LHFPL3: variants seen among roughly 807,000 people sequenced by gnomAD.
LHFPL3 encodes LHFPL tetraspan subfamily member 3.
In LHFPL3, 5 loss-of-function variants were observed where a neutral mutation model predicts 19.3. That is an observed-to-expected ratio of 0.26 (90% confidence interval 0.14 to 0.54). LHFPL3 has a LOEUF of 0.54. Among genes scored for constraint, LHFPL3 ranks in the 20% least tolerant of loss-of-function variants. LHFPL3 has a pLI of 0.94. For missense variants in LHFPL3, 249 were observed against 307.4 expected (o/e 0.81, Z 1.42); for synonymous variants, 133 against 126.2 (o/e 1.05, Z -0.36).
chr7:104,360,406 T>C (rs1416047512), intron 1 of LHFPL3, among the ~76,000 whole-genome samples: 2 of 152,172 alleles, frequency 1.3e-5, no homozygotes, highest in African/African-American at 4.8e-5. Flanking sequence ...AGTAAGATCT[T>C]AATGAATGCT....
chr7:104,775,095 CAATT>C (rs1303907221), intron 2 of LHFPL3, among the ~76,000 whole-genome samples: 2 of 152,132 alleles, frequency 1.3e-5, no homozygotes, highest in African/African-American at 4.8e-5. Context: ...ATATGTTTGA[CAATT>C]AAATATAGCT....
At chr7:104,728,725 A>G (rs1174700836) in intron 1 of LHFPL3, among the ~76,000 whole-genome samples, 1 of 152,162 alleles carries the variant, frequency 6.6e-6, no homozygotes, top group African/African-American at 2.4e-5. Flanking sequence ...TTTTATTTGT[A>G]TGCTTACTCA....
In LHFPL3 at chr7:104,906,174, C is replaced by T. The variant is rs768816899; in HGVS notation, c.683-13C>T. 6.2e-7 allele frequency: 1 copy of T among 1,609,454 alleles called. No homozygotes were observed. The highest frequency in any genetic ancestry group is 1.3e-5 in the African/African-American group (1 of 74,978). ...CCCACCCTTTTTCTCTCTCTTCCCT[C>T]CAATTTCTGCAGTTCTGCTAAGCCA... On this transcript the variant is annotated splice_polypyrimidine_tract_variant and intron_variant, in intron 2 of 2. Transcript: ENST00000424859.
chr7:104,392,904 G>C (rs1181251222), intron 1 of LHFPL3, among the ~76,000 whole-genome samples: 1 of 152,106 alleles, frequency 6.6e-6, no homozygotes, highest in African/African-American at 2.4e-5. Flanking sequence ...CTTCTTCCTG[G>C]TTTAGTCTTG....
chr7:104,741,722 G>A (rs962558950), intron 2 of LHFPL3, among the ~76,000 whole-genome samples: 18 of 151,864 alleles, frequency 1.2e-4, no homozygotes, highest in Admixed American at 5.9e-4. Context: ...TATTGGCGGC[G>A]GGGGTTGTTT....
At chr7:104,449,865 A>G (rs901550037) in intron 1 of LHFPL3, among the ~76,000 whole-genome samples, 1 of 152,114 alleles carries the variant, frequency 6.6e-6, no homozygotes. Context: ...GAAGTTTTCC[A>G]CCTTGAATGG....
At chr7:104,807,271 T>A (rs2116492262) in intron 2 of LHFPL3, among the ~76,000 whole-genome samples, 1 of 152,136 alleles carries the variant, frequency 6.6e-6, no homozygotes, top group Non-Finnish European at 1.5e-5. Flanking sequence ...GGGCGATGTT[T>A]CCACAAGCCA....
intron 1 of LHFPL3, among the ~76,000 whole-genome samples, chr7:104,470,809 A>G (rs143125478): frequency 1.5e-3 from 234 of 152,270 alleles, no homozygotes; most frequent in Non-Finnish European, 2.7e-3. Flanking sequence ...TCTCTTCGCA[A>G]TAGGTCCTCT....
intron 2 of LHFPL3, among the ~76,000 whole-genome samples, chr7:104,865,866 C>G (rs1300549378): frequency 1.3e-5 from 2 of 152,194 alleles, no homozygotes; most frequent in Non-Finnish European, 2.9e-5. Context: ...ATCAGAATAA[C>G]AGCAGATCTC....
chr7:104,797,914 TCAAAAACAAA>T, intron 2 of LHFPL3, among the ~76,000 whole-genome samples: 1 of 151,766 alleles, frequency 6.6e-6, no homozygotes, highest in South Asian at 2.1e-4. Flanking sequence ...AGACCCTGTC[TCAAAAACAAA>T]CAAAAACAAA....
intron 2 of LHFPL3, among the ~76,000 whole-genome samples, chr7:104,781,150 T>C (rs1270407218): frequency 3.3e-5 from 5 of 152,204 alleles, no homozygotes; most frequent in African/African-American, 1.2e-4. Flanking sequence ...TTCCCAAGGA[T>C]ACAAATTTTC....
At chr7:104,858,639 G>A (rs918246560) in intron 2 of LHFPL3, among the ~76,000 whole-genome samples, 3 of 152,038 alleles carry the variant, frequency 2.0e-5, no homozygotes, top group Non-Finnish European at 4.4e-5. Context: ...ACTCATCAAT[G>A]ACAGCTCCAA....
intron 1 of LHFPL3, chr7:104,668,577 T>C: frequency 1.9e-6 from 3 of 1,612,804 alleles, no homozygotes; most frequent in South Asian, 2.2e-5. Context: ...CAGAAGAGCA[T>C]TTGGCAGTGG....
chr7:104,879,282 G>A (rs1792002955), intron 2 of LHFPL3, among the ~76,000 whole-genome samples: 1 of 152,116 alleles, frequency 6.6e-6, no homozygotes, highest in African/African-American at 2.4e-5. Context: ...TGGGCATGGT[G>A]GCACATACCT....
At chr7:104,887,405 T>C (rs1354231385) in intron 2 of LHFPL3, among the ~76,000 whole-genome samples, 1 of 152,164 alleles carries the variant, frequency 6.6e-6, no homozygotes, top group Non-Finnish European at 1.5e-5. Context: ...AAAGGGAGTA[T>C]TAGCAAACAA....
intron 1 of LHFPL3, among the ~76,000 whole-genome samples, chr7:104,734,181 C>CT (rs1429796268): frequency 6.6e-6 from 1 of 152,158 alleles, no homozygotes; most frequent in Admixed American, 6.5e-5. Context: ...TTTGGTGACT[C>CT]TGACAATTAT....
intron 1 of LHFPL3, among the ~76,000 whole-genome samples, chr7:104,355,551 C>G (rs942015757): frequency 6.6e-6 from 1 of 152,190 alleles, no homozygotes; most frequent in African/African-American, 2.4e-5. Flanking sequence ...CACCTATTGA[C>G]GTTTTTCAAG....
chr7:104,587,471 A>G (rs140069132), intron 1 of LHFPL3, among the ~76,000 whole-genome samples: 28,506 of 152,142 alleles, frequency 0.19, 2,887 homozygotes, highest in East Asian at 0.38. Context: ...ATGGCTGCAT[A>G]GTATTCCATG....
rs1282657523 is a variant in LHFPL3 at position 104,456,207 on chromosome 7, G to T, written c.445+126983G>T. On this transcript the variant is annotated intron_variant, in intron 1 of 2. Transcript: ENST00000424859. ...GTATTTATACAGTGTGATGCTTTAT[G>T]ATTTTGTAAGCTCAAAAATTATGAC... 2.0e-5 allele frequency among the ~76,000 whole-genome samples: 3 copies of T among 152,284 alleles called. No homozygotes were observed. In the East Asian group the frequency reaches 5.8e-4, roughly 29 times the overall value.
Sources: gnomAD v4.1 joint callset for allele counts (sites outside exome capture counted in the v4.1 genomes callset) on GRCh38, gnomAD v4.1.1 for gene constraint, MANE v1.5 for transcripts, NCBI Gene and HGNC (gene_info 2026-07-23, HGNC 2026-07-21) for gene names.